KRT19: variants seen among roughly 807,000 people sequenced by gnomAD.
The protein encoded by KRT19 is keratin 19, also known as keratin, type I cytoskeletal 19.
Under a neutral mutation model 34.6 loss-of-function variants are expected in KRT19, and 21 were observed. The ratio of observed to expected loss-of-function variants is 0.61; its 90% CI spans 0.43 to 0.87. The LOEUF (loss-of-function observed/expected upper bound fraction) is 0.87, where lower values mean the gene tolerates loss of function less well. Ranked by LOEUF, KRT19 falls within the 40% of genes least tolerant of loss-of-function variation. KRT19 has a pLI of 0.00. For synonymous variants in KRT19, 240 were observed against 245.8 expected, an observed-to-expected ratio of 0.98 and a Z score of 0.22; for missense variants, 514 against 545.7, an observed-to-expected ratio of 0.94 and a Z score of 0.58.
Position 41,524,339 on chromosome 17 carries a change from C to A in KRT19, c.822+40G>T, listed in dbSNP as rs762796286. 1.9e-6 allele frequency: 3 copies of A among 1,612,058 alleles called. No homozygotes were observed. The African/African-American group carries it at 4.0e-5, about 22-fold the overall frequency. On this transcript the variant is annotated intron_variant, in intron 4 of 5. Coordinates refer to ENST00000361566, the MANE Select transcript of KRT19 (RefSeq NM_002276.5). ...CGCGTAGGGAACACAAAGCCCTCCC[C>A]TTCCTAACCCCCAAAGGGTGCCTGC...
Position 41,524,393 on chromosome 17 carries a change from A to G in KRT19, c.808T>C (p.Trp270Arg), listed in dbSNP as rs1375995641. 6.2e-7 allele frequency: 1 copy of G among 1,614,138 alleles called. No individual in the cohort carries two copies. Among genetic ancestry groups the G allele is most frequent in the Admixed American group, 1.7e-5 (1 of 60,026 alleles). The change falls in exon 4 of 6, where the codon TGG (tryptophan) becomes CGG (arginine). Residue 270 changes from tryptophan (W) to arginine (R), a missense_variant. By Grantham distance (101) the Trp-to-Arg change is moderately radical. Coordinates refer to ENST00000361566, the MANE Select transcript of KRT19 (RefSeq NM_002276.5). ...CCTCTACCTACCCGGCTGGTGAACC[A>G]GGCTTCAGCATCCTTCCGGTTCTGC... is the stretch of plus-strand genomic sequence containing the variant. Reference protein sequence around the residue: ...AEQNRKDAEAWFTSRTEELNR... With the variant: ...AEQNRKDAEARFTSRTEELNR...
At chr17:41,524,085 C>A in intron 5 of KRT19, 58 bp downstream of exon 5, 1 of 1,601,526 alleles carries the variant, frequency 6.2e-7, no homozygotes, top group Non-Finnish European at 8.5e-7. Context: ...CTGCCCTAGG[C>A]TGCAAGGGTA....
intron 1 of KRT19, 196 bp from the exon 2 acceptor site, chr17:41,525,469 G>T: frequency 1.1e-5 from 6 of 546,448 alleles, no homozygotes; most frequent in East Asian, 3.1e-5. Flanking sequence ...GCTGGGGCAG[G>T]AAGAAAACTG....
In KRT19 at chr17:41,528,057, C is replaced by G; in HGVS notation, c.191G>C (p.Gly64Ala). The G allele has an allele frequency of 6.2e-7, 1 of 1,611,598 alleles. No individual in the cohort carries two copies. Among genetic ancestry groups the G allele is most frequent in the Middle Eastern group, 1.8e-4 (1 of 5,550 alleles). ...GGACGCGGTCAGGACGCCGCCGTAG[C>G]CGCCGCCGTAGGCCCCCGAGGAGGA... ...SSSSSGAYGG[G>A]YGGVLTASDG... Residue 64 changes from glycine (G) to alanine (A), a missense_variant, in exon 1 of 6, where the codon GGC becomes GCC. Physicochemically the swap from Gly to Ala is moderately conservative, Grantham distance 60 (BLOSUM62 0). Transcript: ENST00000361566.
At chr17:41,524,025 T>C in intron 5 of KRT19, 28 bp from the exon 6 acceptor site, 1 of 1,604,160 alleles carries the variant, frequency 6.2e-7, no homozygotes, top group Middle Eastern at 1.7e-4. Flanking sequence ...GGGTTGTGAC[T>C]CAGCAGAGCC....
Position 41,525,280 on chromosome 17 carries a change from G to T in KRT19, c.421-7C>A. ...CAATGGTGGCACCAAGAATCTGGAA[G>T]GCAGAGGCAGAGGTTGGTACCAGTT... On this transcript the variant is annotated splice_polypyrimidine_tract_variant and splice_region_variant and intron_variant, in intron 1 of 5. Transcript: ENST00000361566. 2 of 1,605,390 alleles carry T rather than the reference G, an allele frequency of 1.2e-6. No homozygotes were observed. Among genetic ancestry groups the T allele is most frequent in the South Asian group, 1.1e-5 (1 of 90,902 alleles).
intron 1 of KRT19, 58 bp downstream of exon 1, chr17:41,527,770 C>T: frequency 6.6e-7 from 1 of 1,506,734 alleles, no homozygotes; most frequent in Admixed American, 2.3e-5. Flanking sequence ...GCCCGGCCCG[C>T]GGGGCTGGGT....
chr17:41,524,573 G>T, intron 3 of KRT19, 33 bp from the exon 4 acceptor site: 1 of 1,610,534 alleles, frequency 6.2e-7, no homozygotes, highest in Non-Finnish European at 8.5e-7. Flanking sequence ...GGCATGTCAG[G>T]GCCCAGACCC....
At chr17:41,526,562 C>CCTT (rs1905872319) in intron 1 of KRT19, among the ~76,000 whole-genome samples, 1 of 72,190 alleles carries the variant, frequency 1.4e-5, no homozygotes, top group Admixed American at 2.5e-4. Flanking sequence ...AAGCTAATTC[C>CCTT]TTTTTTTTTT....
chr17:41,527,162 C>T (rs1273635881), intron 1 of KRT19, among the ~76,000 whole-genome samples: 2 of 152,226 alleles, frequency 1.3e-5, no homozygotes. Flanking sequence ...GACGCAGATC[C>T]GTTCTTTCCC....
At chr17:41,524,348 C>G (rs1905781315) in intron 4 of KRT19, 31 bp downstream of exon 4, 3 of 1,613,416 alleles carry the variant, frequency 1.9e-6, no homozygotes, top group Non-Finnish European at 2.5e-6. Flanking sequence ...CCTTCCTAAC[C>G]CCCAAAGGGT....
chr17:41,524,045 G>C, intron 5 of KRT19, 48 bp from the exon 6 acceptor site: 1 of 1,600,964 alleles, frequency 6.2e-7, no homozygotes, highest in African/African-American at 1.3e-5. Context: ...CTGGTTCCCG[G>C]AGAGGGCATG....
At chr17:41,525,317 C>T (rs1905825521) in intron 1 of KRT19, 44 bp from the exon 2 acceptor site, 1 of 1,326,816 alleles carries the variant, frequency 7.5e-7, no homozygotes, top group Non-Finnish European at 1.1e-6. Flanking sequence ...AACACACAGG[C>T]ACTGCCCACT....
At chr17:41,525,299 A>T (rs1447657664) in intron 1 of KRT19, 26 bp from the exon 2 acceptor site, 2 of 1,527,558 alleles carry the variant, frequency 1.3e-6, no homozygotes, top group Admixed American at 3.3e-5. Context: ...AGAGGTTGGT[A>T]CCAGTTCAAC....
intron 1 of KRT19, among the ~76,000 whole-genome samples, chr17:41,526,256 G>A (rs1223006333): frequency 6.6e-6 from 1 of 152,172 alleles, no homozygotes; most frequent in Non-Finnish European, 1.5e-5. Flanking sequence ...TTACAGGCAT[G>A]AGCCACCGCG....
chr17:41,527,100 G>A (rs1172287099), intron 1 of KRT19, among the ~76,000 whole-genome samples: 1 of 151,948 alleles, frequency 6.6e-6, no homozygotes, highest in Non-Finnish European at 1.5e-5. Context: ...CCTCTGGGTG[G>A]AGACCAAGCC....
In KRT19 at chr17:41,528,229, G is replaced by T. The variant is rs373835703; in HGVS notation, c.19C>A (p.Arg7Ser). Reference protein sequence around the residue: MTSYSYRQSSATSSFGG... With the variant: MTSYSYSQSSATSSFGG... Reference sequence around the variant, plus strand: ...AAGGACGACGTGGCCGACGACTGGCGATAGCTGTAGGAAGTCATGGCGAGG... The same window carrying T: ...AAGGACGACGTGGCCGACGACTGGCTATAGCTGTAGGAAGTCATGGCGAGG... Residue 7 changes from arginine to serine, a missense_variant, in exon 1 of 6, where the codon CGC becomes AGC. Physicochemically the swap from Arg to Ser is moderately radical, Grantham distance 110. Transcript: ENST00000361566. 104 of 1,573,024 alleles carry T rather than the reference G, an allele frequency of 6.6e-5. No homozygotes were observed. Among genetic ancestry groups the T allele is most frequent in the Non-Finnish European group, 8.3e-5 (97 of 1,168,394 alleles).
rs972920324 is a variant in KRT19, at chr17:41,524,465, C to T, written c.736G>A (p.Ala246Thr). The change falls in exon 4 of 6, where the codon GCC becomes ACC. Residue 246 changes from alanine (A) to threonine (T), a missense_variant. Transcript: ENST00000361566. ...EVDSAPGTDL[A>T]KILSDMRSQY... is the part of the protein sequence containing the mutation. ...CTTCGCATGTCACTCAGGATCTTGG[C>T]GAGATCGGTGCCCGGAGCGGAATCC... 7.4e-6 allele frequency: 12 copies of T among 1,614,198 alleles called. No homozygotes were observed. Among genetic ancestry groups the T allele is most frequent in the South Asian group, 1.1e-5 (1 of 91,084 alleles).
rs754979099 is a variant in KRT19, at chr17:41,527,852, C to G, written c.396G>C (p.Thr132=). 10 of 1,609,932 alleles carry G rather than the reference C, an allele frequency of 6.2e-6. No homozygotes were observed. In the East Asian group the frequency reaches 1.8e-4, roughly 29 times the overall value. ...CCTTGTCCCGCAGGTCCTGGATGGT[C>G]GTGTAGTAGTGGCTGTAGTCGCGGG... is the stretch of plus-strand genomic sequence containing the variant. ...GPSRDYSHYY[T]TIQDLRDKIL... Residue 132 remains threonine, a synonymous_variant, in exon 1 of 6, where the codon ACG becomes ACC. Coordinates refer to ENST00000361566, the MANE Select transcript of KRT19 (RefSeq NM_002276.5).
Sources: gnomAD v4.1 joint callset for allele counts (sites outside exome capture counted in the v4.1 genomes callset) on GRCh38, gnomAD v4.1.1 for gene constraint, MANE v1.5 for transcripts, NCBI Gene and HGNC (gene_info 2026-07-23, HGNC 2026-07-21) for gene names.